SBF2: variants seen among roughly 807,000 people sequenced by gnomAD.
SBF2 encodes the protein myotubularin-related protein 13.
Under a neutral mutation model 225.2 loss-of-function variants are expected in SBF2, and 112 were observed. That is an observed-to-expected ratio of 0.50 (90% confidence interval 0.43 to 0.58). The LOEUF (loss-of-function observed/expected upper bound fraction) is 0.58. Among genes scored for constraint, SBF2 ranks in the 20% least tolerant of loss-of-function variants. The pLI, the probability that SBF2 is intolerant of heterozygous loss-of-function variation, is 0.00. For synonymous variants in SBF2, 763 were observed against 773.3 expected (o/e 0.99, Z 0.22); for missense variants, 1,996 against 2,206.2 (o/e 0.90, Z 1.91).
At chr11:10,283,879 C>T (rs1273420320) in intron 1 of SBF2, among the ~76,000 whole-genome samples, 5 of 152,086 alleles carry the variant, frequency 3.3e-5, no homozygotes. Flanking sequence ...ATGTTCTCCT[C>T]AGCATAACAG....
At chr11:10,042,820 T>C (rs1418322566) in intron 3 of SBF2, 24 bp downstream of exon 3, 1 of 1,612,782 alleles carries the variant, frequency 6.2e-7, no homozygotes, top group Non-Finnish European at 8.5e-7. Flanking sequence ...TCGACTGTAC[T>C]TTAGCTAGTA....
chr11:10,146,690 A>T (rs535974099), intron 2 of SBF2, among the ~76,000 whole-genome samples: 1 of 152,338 alleles, frequency 6.6e-6, no homozygotes, highest in African/African-American at 2.4e-5. Flanking sequence ...AAGATGCCAA[A>T]AGCAATTGCA....
intron 16 of SBF2, among the ~76,000 whole-genome samples, chr11:9,929,423 C>T (rs10770075): frequency 6.6e-6 from 1 of 151,942 alleles, no homozygotes; most frequent in East Asian, 1.9e-4. Context: ...GACCAAGAAG[C>T]AGCTCCAAAG....
At chr11:9,806,310 C>A (rs775345609) in intron 32 of SBF2, among the ~76,000 whole-genome samples, 1 of 152,166 alleles carries the variant, frequency 6.6e-6, no homozygotes. Context: ...AAGCAGTCGA[C>A]ACAAATTAGT....
rs371871893 is a variant in SBF2 at position 9,809,705 on chromosome 11, C to T, written c.4156-703G>A. Among the ~76,000 whole-genome samples the T allele has an allele frequency of 3.4e-3, 511 of 151,926 alleles. 3 individuals carry two copies. The highest frequency in any genetic ancestry group is 5.2e-3 in the South Asian group (25 of 4,796). On this transcript the variant is annotated intron_variant, in intron 30 of 39. Transcript: ENST00000256190. ...GATTACAGGTGCATACCAGTGCACC[C>T]GGCTAATTTTTTGTATTTTTAGTAG...
chr11:10,293,951 G>GCCCCGACGCCCGGCCCCGCGT, intron 1 of SBF2, 64 bp downstream of exon 1: 1 of 1,191,830 alleles, frequency 8.4e-7, no homozygotes. Context: ...CGGCCCCGCG[G>GCCCCGACGCCCGGCCCCGCGT]AGCCCACTGG....
intron 16 of SBF2, among the ~76,000 whole-genome samples, chr11:9,912,036 G>A (rs1185808412): frequency 2.0e-5 from 3 of 152,188 alleles, no homozygotes; most frequent in African/African-American, 7.2e-5. Flanking sequence ...TTATTTTTTA[G>A]CTGGGTGCGG....
At chr11:10,108,686 G>A (rs1321617367) in intron 2 of SBF2, among the ~76,000 whole-genome samples, 6 of 151,554 alleles carry the variant, frequency 4.0e-5, no homozygotes, top group African/African-American at 7.3e-5. Flanking sequence ...CACCACGCCC[G>A]GCTAATTTTT....
At chr11:9,909,787 C>T (rs537773445) in intron 16 of SBF2, among the ~76,000 whole-genome samples, 11 of 152,040 alleles carry the variant, frequency 7.2e-5, no homozygotes, top group Admixed American at 2.0e-4. Context: ...AGTTAACCTA[C>T]TGAAACCTAA....
intron 1 of SBF2, among the ~76,000 whole-genome samples, chr11:10,218,938 T>C (rs915799984): frequency 1.3e-5 from 2 of 152,164 alleles, no homozygotes; most frequent in Non-Finnish European, 2.9e-5. Context: ...TCCTGGCTGT[T>C]TTCATGGGCT....
At chr11:10,172,601 C>G (rs866855498) in intron 2 of SBF2, among the ~76,000 whole-genome samples, 1 of 152,342 alleles carries the variant, frequency 6.6e-6, no homozygotes, top group Middle Eastern at 3.4e-3. Context: ...GATCCACCGG[C>G]CTCGGCCTCC....
chr11:10,240,927 C>G (rs1959201396), intron 1 of SBF2, among the ~76,000 whole-genome samples: 2 of 151,976 alleles, frequency 1.3e-5, no homozygotes, highest in African/African-American at 4.8e-5. Flanking sequence ...TATAAGAATA[C>G]TTAGAGGAAT....
intron 6 of SBF2, 88 bp from the exon 7 acceptor site, chr11:10,002,777 G>A (rs1217474378): frequency 1.5e-6 from 2 of 1,317,784 alleles, no homozygotes; most frequent in South Asian, 1.2e-5. Flanking sequence ...GAAAGAAAAA[G>A]CCAGTAATTT....
intron 2 of SBF2, among the ~76,000 whole-genome samples, chr11:10,057,151 G>A (rs754617473): frequency 5.3e-5 from 8 of 151,932 alleles, no homozygotes; most frequent in Non-Finnish European, 1.0e-4. Context: ...AGACTGCAGC[G>A]GGCCCCAAGC....
intron 19 of SBF2, among the ~76,000 whole-genome samples, chr11:9,854,485 G>GTGTT (rs1429881818): frequency 1.3e-5 from 2 of 152,198 alleles, no homozygotes; most frequent in African/African-American, 4.8e-5. Context: ...AGCTGAATCA[G>GTGTT]TGTTAGAGAT....
intron 1 of SBF2, among the ~76,000 whole-genome samples, chr11:10,274,192 C>CT (rs1962772239): frequency 6.6e-6 from 1 of 152,216 alleles, no homozygotes; most frequent in Non-Finnish European, 1.5e-5. Flanking sequence ...AGAACTGGAG[C>CT]TTTGAGTTCA....
rs369695885 is a variant in SBF2 at position 10,155,122 on chromosome 11, C to A, written c.141+38780G>T. Among the ~76,000 whole-genome samples, 53 of 152,224 alleles carry A rather than the reference C, an allele frequency of 3.5e-4. 1 individual carries two copies. In the South Asian group the frequency reaches 0.011, roughly 30 times the overall value. ...AAACAAATAAACCATTTGCAATGAG[C>A]TATAATGCTAGTCACATGGAAAACA... On this transcript the variant is annotated intron_variant, in intron 2 of 39. Transcript: ENST00000256190.
At chr11:10,196,864 A>ATTTTTT (rs1464688140) in intron 1 of SBF2, among the ~76,000 whole-genome samples, 37 of 61,952 alleles carry the variant, frequency 6.0e-4, no homozygotes, top group African/African-American at 1.4e-3. Context: ...ATATATATAT[A>ATTTTTT]TATTTTTTTT....
intron 2 of SBF2, among the ~76,000 whole-genome samples, chr11:10,147,099 A>G (rs958788306): frequency 1.3e-5 from 2 of 152,076 alleles, no homozygotes; most frequent in Admixed American, 1.3e-4. Context: ...GAGAAAAGGG[A>G]ACACTTATAC....
Sources: gnomAD v4.1 joint callset for allele counts (sites outside exome capture counted in the v4.1 genomes callset) on GRCh38, gnomAD v4.1.1 for gene constraint, MANE v1.5 for transcripts, NCBI Gene and HGNC (gene_info 2026-07-23, HGNC 2026-07-21) for gene names.